The following ADAM18 variants were observed in gnomAD, a reference collection of about 807,000 sequenced individuals.
The protein encoded by ADAM18 is ADAM metallopeptidase domain 18, also known as disintegrin and metalloproteinase domain-containing protein 18.
A neutral mutation model predicts 94.4 loss-of-function variants in ADAM18; 117 were observed. The observed-to-expected ratio is 1.24, with a 90% CI of 1.07 to 1.45. ADAM18 has a LOEUF of 1.45. ADAM18 is among the 40% of genes most tolerant of loss of function. The pLI is 0.00. For synonymous variants in ADAM18, 327 were observed against 291.6 expected (o/e 1.12, Z -1.24); for missense variants, 936 against 880.0 (o/e 1.06, Z -0.81).
intron 7 of ADAM18, among the ~76,000 whole-genome samples, chr8:39,632,668 A>G (rs1819961466): frequency 1.3e-5 from 2 of 152,160 alleles, no homozygotes; most frequent in Admixed American, 6.6e-5. Context: ...TAGCCTCATC[A>G]AATAAGTTAG....
chr8:39,690,768 T>A (rs189431162), intron 16 of ADAM18, among the ~76,000 whole-genome samples: 1 of 152,176 alleles, frequency 6.6e-6, no homozygotes. Context: ...GGGATGTAAA[T>A]TAGTTCAGCC....
chr8:39,603,428 C>T (rs962278275), intron 2 of ADAM18, among the ~76,000 whole-genome samples: 1 of 152,172 alleles, frequency 6.6e-6, no homozygotes, highest in African/African-American at 2.4e-5. Context: ...GTTACCTGTG[C>T]CACTTGTACA....
intron 2 of ADAM18, among the ~76,000 whole-genome samples, chr8:39,599,945 C>A (rs1818855056): frequency 6.6e-6 from 1 of 151,654 alleles, no homozygotes; most frequent in Non-Finnish European, 1.5e-5. Context: ...GCTAGAACCT[C>A]CAGTACCATA....
chr8:39,639,580 C>T (rs965455347), intron 10 of ADAM18, among the ~76,000 whole-genome samples: 3 of 151,834 alleles, frequency 2.0e-5, no homozygotes, highest in Non-Finnish European at 4.4e-5. Flanking sequence ...TCGACTGCTT[C>T]ATTCCCCCTC....
At chr8:39,628,416 AATAG>A (rs10689403) in intron 6 of ADAM18, among the ~76,000 whole-genome samples, 39,193 of 148,080 alleles carry the variant, frequency 0.26, 5,187 homozygotes, top group South Asian at 0.38. Flanking sequence ...CTGATAGATC[AATAG>A]ATAGATAGAT....
intron 18 of ADAM18, among the ~76,000 whole-genome samples, chr8:39,709,818 A>T (rs1392452207): frequency 6.6e-6 from 1 of 152,222 alleles, no homozygotes; most frequent in African/African-American, 2.4e-5. Context: ...GCTACATAAT[A>T]TCAATTTTTG....
chr8:39,613,394 T>A (rs1819338899), intron 6 of ADAM18, among the ~76,000 whole-genome samples: 1 of 152,064 alleles, frequency 6.6e-6, no homozygotes, highest in Non-Finnish European at 1.5e-5. Context: ...TCTAAAATCA[T>A]CCAGAAACAA....
At chr8:39,710,364 A>G (rs984548333) in intron 18 of ADAM18, among the ~76,000 whole-genome samples, 3 of 152,200 alleles carry the variant, frequency 2.0e-5, no homozygotes, top group African/African-American at 7.2e-5. Context: ...GTATATACTT[A>G]AAGGGTAATT....
intron 12 of ADAM18, among the ~76,000 whole-genome samples, chr8:39,656,623 A>G (rs1232741615): frequency 1.3e-5 from 2 of 152,214 alleles, no homozygotes; most frequent in African/African-American, 4.8e-5. Flanking sequence ...AAAATATCAG[A>G]TAAGAGATTT....
At chr8:39,719,183 C>T (rs1586013777) in intron 18 of ADAM18, among the ~76,000 whole-genome samples, 2 of 151,300 alleles carry the variant, frequency 1.3e-5, no homozygotes, top group East Asian at 1.9e-4. Flanking sequence ...AATAGACATG[C>T]AAATATATGG....
At chr8:39,664,485 T>C (rs539204883) in intron 13 of ADAM18, among the ~76,000 whole-genome samples, 7 of 152,306 alleles carry the variant, frequency 4.6e-5, no homozygotes, top group African/African-American at 1.7e-4. Flanking sequence ...GATGATTCTA[T>C]TCTTTAGTGT....
chr8:39,686,951 T>A (rs1195273306), intron 16 of ADAM18, among the ~76,000 whole-genome samples: 1 of 152,208 alleles, frequency 6.6e-6, no homozygotes, highest in African/African-American at 2.4e-5. Flanking sequence ...TAGCTAAGAG[T>A]GCCTTCATCA....
chr8:39,660,911 T>C (rs1024046810), intron 12 of ADAM18, among the ~76,000 whole-genome samples: 2 of 152,200 alleles, frequency 1.3e-5, no homozygotes, highest in African/African-American at 4.8e-5. Context: ...AAAGACCTGC[T>C]TCTAAGGTTG....
rs1166511538 is a variant in ADAM18, at chr8:39,723,916, G to GATTCAT, written c.2177+11_2177+12insTCATAT. 6.9e-7 allele frequency: 1 copy of GATTCAT among 1,441,224 alleles called. No individual in the cohort carries two copies. Among genetic ancestry groups the GATTCAT allele is most frequent in the African/African-American group, 1.5e-5 (1 of 68,390 alleles). The allele number at this position is 1,441,224 out of a possible 1,614,324, so 89.3% of individuals were successfully genotyped here. A position where few individuals can be genotyped will look rare whatever the true frequency, so the allele number is the denominator to read the frequency against. On this transcript the variant is annotated intron_variant, in intron 19 of 19. Coordinates refer to ENST00000265707, the MANE Select transcript of ADAM18 (RefSeq NM_014237.3). ...AATGCAGAGTATAATCGGTAAATATGATATAGAATCAATGTATTAGGTTTA... is the reference window on the plus strand; with the variant it reads ...AATGCAGAGTATAATCGGTAAATATGATTCATATATAGAATCAATGTATTAGGTTTA...
chr8:39,644,127 A>G (rs1277426051), intron 10 of ADAM18, among the ~76,000 whole-genome samples: 1 of 152,116 alleles, frequency 6.6e-6, no homozygotes. Context: ...ATACATTTAA[A>G]TGATAGAGAA....
chr8:39,637,678 C>A lies in ADAM18; in HGVS notation c.802C>A (p.Pro268Thr), dbSNP rs1220811485. ...GAAACGGGACTATCTCATCCTACGG[C>A]CCCATGACATAGCATACTTACTTGT... The part of the protein sequence containing the change: ...AWKRDYLILR[P>T]HDIAYLLVYR... The change falls in exon 9 of 20, where the codon CCC (proline) becomes ACC (threonine). Residue 268 changes from proline to threonine, a missense_variant. Pro to Thr is a conservative substitution (Grantham distance 38). Transcript: ENST00000265707. 1 of 1,609,808 alleles carries A rather than the reference C, an allele frequency of 6.2e-7. No homozygotes were observed. The highest frequency in any genetic ancestry group is 1.7e-5 in the Admixed American group (1 of 59,354).
At chr8:39,650,828 G>A (rs866390575) in intron 12 of ADAM18, among the ~76,000 whole-genome samples, 14 of 152,256 alleles carry the variant, frequency 9.2e-5, no homozygotes, top group South Asian at 2.1e-4. Flanking sequence ...ACCTGTGGGC[G>A]TTTCTTGTCA....
At chr8:39,671,459 C>T (rs1424379741) in intron 14 of ADAM18, among the ~76,000 whole-genome samples, 1 of 152,084 alleles carries the variant, frequency 6.6e-6, no homozygotes, top group Non-Finnish European at 1.5e-5. Flanking sequence ...TATAAAGAGC[C>T]CCTCATCTTT....
intron 7 of ADAM18, among the ~76,000 whole-genome samples, chr8:39,632,175 T>G (rs1305703756): frequency 3.3e-5 from 5 of 152,132 alleles, no homozygotes; most frequent in African/African-American, 1.2e-4. Flanking sequence ...TTTGCATTTA[T>G]GTATACATGT....
Sources: gnomAD v4.1 joint callset for allele counts (sites outside exome capture counted in the v4.1 genomes callset) on GRCh38, gnomAD v4.1.1 for gene constraint, MANE v1.5 for transcripts, NCBI Gene and HGNC (gene_info 2026-07-23, HGNC 2026-07-21) for gene names.